The following TENM3 variants were observed in gnomAD, a reference collection of about 807,000 sequenced individuals.
The protein encoded by TENM3 is teneurin transmembrane protein 3.
TENM3 carries 63 observed loss-of-function variants against 255.1 expected under a neutral mutation model. The ratio of observed to expected loss-of-function variants is 0.25; its 90% CI spans 0.20 to 0.30. The LOEUF is 0.30. Among genes scored for constraint, TENM3 ranks in the 10% least tolerant of loss-of-function variants. The pLI, the probability that TENM3 is intolerant of heterozygous loss-of-function variation, is 1.00. For missense variants in TENM3, 2,929 were observed against 3,461.1 expected, an observed-to-expected ratio of 0.85 and a Z score of 3.86; for synonymous variants, 1,306 against 1,322.3, an observed-to-expected ratio of 0.99 and a Z score of 0.27.
chr4:182,714,333 A>T, intron 13 of TENM3, 100 bp downstream of exon 13: 1 of 954,416 alleles, frequency 1.0e-6, no homozygotes, highest in Non-Finnish European at 1.5e-6. Context: ...AAAAAAAAAA[A>T]AAAAAACCTG....
chr4:182,650,889 AATATATATATATATATAT>A (rs1157725899), intron 5 of TENM3, among the ~76,000 whole-genome samples: 4 of 29,774 alleles, frequency 1.3e-4, no homozygotes, highest in African/African-American at 9.4e-4. Context: ...AATAAAAAAA[AATATATATATATATATAT>A]ATATATATAT....
chr4:181,792,964 T>G, the TENM3 span, among the ~76,000 whole-genome samples: 3 of 146,528 alleles, frequency 2.0e-5, no homozygotes, highest in African/African-American at 2.6e-5. Context: ...TTATAGACGG[T>G]TTTTTTTTTC....
the TENM3 span, among the ~76,000 whole-genome samples, chr4:181,956,942 C>T: frequency 6.6e-6 from 1 of 152,120 alleles, no homozygotes; most frequent in Non-Finnish European, 1.5e-5. Flanking sequence ...TAGGATACTA[C>T]CTAAAACAGC....
rs554572611 is a variant in TENM3 at position 182,586,749 on chromosome 4, G to T, written c.512-14175G>T. On this transcript the variant is annotated intron_variant, in intron 3 of 27. Coordinates refer to ENST00000511685, the MANE Select transcript of TENM3 (RefSeq NM_001080477.4). ...TATCTCTGCCTAGATGTCATACTAT[G>T]ACTGGAAGGACACTTAAATGAATAT... 2.6e-5 allele frequency among the ~76,000 whole-genome samples: 4 copies of T among 152,172 alleles called. No individual in the cohort carries two copies. The South Asian group carries it at 8.3e-4, about 32-fold the overall frequency.
At chr4:181,961,955 G>A in the TENM3 span, among the ~76,000 whole-genome samples, 5 of 152,066 alleles carry the variant, frequency 3.3e-5, no homozygotes, top group African/African-American at 7.2e-5. Context: ...ATTCACTATA[G>A]GTGAAAATGT....
At chr4:182,253,017 A>C (rs1758127113) in intron 1 of TENM3, among the ~76,000 whole-genome samples, 1 of 152,206 alleles carries the variant, frequency 6.6e-6, no homozygotes, top group Non-Finnish European at 1.5e-5. Context: ...GGCAGACACG[A>C]AACTACCTCT....
At chr4:182,314,071 G>A (rs893212024) in intron 1 of TENM3, among the ~76,000 whole-genome samples, 1 of 152,164 alleles carries the variant, frequency 6.6e-6, no homozygotes, top group African/African-American at 2.4e-5. Flanking sequence ...CCAGCAGTTG[G>A]GGAGTCCGAG....
the TENM3 span, among the ~76,000 whole-genome samples, chr4:181,802,210 A>T: frequency 6.6e-6 from 1 of 152,214 alleles, no homozygotes; most frequent in Admixed American, 6.5e-5. Context: ...AGCAGCTATA[A>T]TGGGTACTAT....
chr4:182,281,748 T>C (rs908542567), intron 1 of TENM3, among the ~76,000 whole-genome samples: 3 of 152,178 alleles, frequency 2.0e-5, no homozygotes, highest in African/African-American at 7.2e-5. Context: ...ATTTATTTTA[T>C]TTATTTTCAG....
rs1187817827 is a variant in TENM3 at position 182,775,143 on chromosome 4, G to A, written c.5294G>A (p.Arg1765His). 7 of 1,613,764 alleles carry A rather than the reference G, an allele frequency of 4.3e-6. No homozygotes were observed. Among genetic ancestry groups the A allele is most frequent in the South Asian group, 1.1e-5 (1 of 91,072 alleles). ...QAQGKVNVFGRKLRVNGRNLL... is the reference protein window; with the variant it reads ...QAQGKVNVFGHKLRVNGRNLL... ...CAAGGGAAAGTCAATGTCTTTGGCC[G>A]CAAGCTCAGGGTACGTACGTGTTGT... The change falls in exon 24 of 28, where the codon CGC (arginine) becomes CAC (histidine). Residue 1765 changes from arginine (R) to histidine (H), a missense_variant. Arg to His is a conservative substitution (Grantham distance 29). This residue lies in a region of TENM3 where 303 missense variants were observed against 425.2 expected (regional missense o/e 0.71). Transcript: ENST00000511685.
the TENM3 span, among the ~76,000 whole-genome samples, chr4:181,709,849 A>G: frequency 1.3e-5 from 2 of 152,212 alleles, no homozygotes; most frequent in African/African-American, 4.8e-5. Context: ...GGAGTAGCAT[A>G]TGGGAGAAAG....
chr4:182,793,510 C>T lies in TENM3; in HGVS notation c.6838C>T (p.His2280Tyr), dbSNP rs1340888119. The T allele has an allele frequency of 3.7e-6, 6 of 1,613,852 alleles. No homozygotes were observed. The highest frequency in any genetic ancestry group is 5.1e-6 in the Non-Finnish European group (6 of 1,179,880). The part of the protein sequence containing the change: ...ITSLYYDLQG[H>Y]LFAMEISSGD... ...CTCCCTGTATTATGATCTCCAAGGACATCTTTTTGCCATGGAAATCAGCAG... is the reference window on the plus strand; with the variant it reads ...CTCCCTGTATTATGATCTCCAAGGATATCTTTTTGCCATGGAAATCAGCAG... The change falls in exon 26 of 28, where the codon CAT becomes TAT. Residue 2280 changes from histidine (H) to tyrosine (Y), a missense_variant. By Grantham distance (83) the His-to-Tyr change is moderately conservative. Around this residue, in one of 6 missense-constraint regions of TENM3, gnomAD observed 256 missense variants for 389.3 expected, o/e 0.66. Transcript: ENST00000511685. The surrounding 1 kb of genome is among the most constrained non-coding windows in gnomAD (Gnocchi z 5.7).
intron 1 of TENM3, among the ~76,000 whole-genome samples, chr4:182,146,960 T>C (rs1395879801): frequency 6.6e-6 from 1 of 152,284 alleles, no homozygotes; most frequent in East Asian, 1.9e-4. Flanking sequence ...CATCAGTCTT[T>C]TGGTTAGAAA....
intron 3 of TENM3, among the ~76,000 whole-genome samples, chr4:182,517,909 C>T (rs1011527752): frequency 3.3e-5 from 5 of 152,086 alleles, no homozygotes; most frequent in Non-Finnish European, 7.3e-5. Context: ...ATGAGTGAAA[C>T]CACACGTTAA....
chr4:182,600,987 A>T lies in TENM3; in HGVS notation c.575A>T (p.His192Leu), dbSNP rs1184507812. 1.2e-6 allele frequency: 2 copies of T among 1,601,830 alleles called. No homozygotes were observed. The highest frequency in any genetic ancestry group is 3.5e-5 in the Admixed American group (2 of 57,526). ...CCCTTGCCGCCTTCCCATAAGCAGC[A>T]CTCTGCACAGCATCATCCATCCATC... ...LQPLPPSHKQ[H>L]SAQHHPSITS... is the part of the protein sequence containing the mutation. The change falls in exon 4 of 28, where the codon CAC (histidine) becomes CTC (leucine). Residue 192 changes from histidine to leucine, a missense_variant. His to Leu is a moderately conservative substitution (Grantham distance 99, BLOSUM62 -3). This residue lies in a region of TENM3 where 283 missense variants were observed against 256.9 expected (regional missense o/e 1.10). Transcript: ENST00000511685.
intron 3 of TENM3, among the ~76,000 whole-genome samples, chr4:182,369,716 A>G (rs912492240): frequency 3.9e-5 from 6 of 152,048 alleles, no homozygotes; most frequent in African/African-American, 1.2e-4. Flanking sequence ...TTCCATCTCT[A>G]TTAAAAAACA....
chr4:181,642,593 T>A, the TENM3 span, among the ~76,000 whole-genome samples: 4 of 152,222 alleles, frequency 2.6e-5, no homozygotes, highest in Non-Finnish European at 4.4e-5. Flanking sequence ...CTAGGATTTT[T>A]ATGGTTTTAG....
At chr4:181,453,300 C>A in the TENM3 span, among the ~76,000 whole-genome samples, 1 of 152,100 alleles carries the variant, frequency 6.6e-6, no homozygotes, top group Non-Finnish European at 1.5e-5. Context: ...AATAAGTGAG[C>A]AAACAAGCTA....
intron 4 of TENM3, among the ~76,000 whole-genome samples, chr4:182,621,748 T>C (rs1750252694): frequency 4.4e-5 from 1 of 22,706 alleles, no homozygotes; most frequent in Admixed American, 4.6e-4. Context: ...ATATATAATA[T>C]ATTATAATAT....
Sources: allele counts gnomAD v4.1 joint callset (sites outside exome capture counted in the v4.1 genomes callset), GRCh38; gene constraint gnomAD v4.1.1; regional missense constraint gnomAD v4.1.1; non-coding constraint Gnocchi (gnomAD v3.1); transcripts MANE v1.5; gene names NCBI Gene and HGNC (gene_info 2026-07-23, HGNC 2026-07-21).